GLIS3: variants seen among roughly 807,000 people sequenced by gnomAD.
The protein encoded by GLIS3 is GLIS family zinc finger 3, also known as zinc finger protein GLIS3.
In GLIS3, 53 loss-of-function variants were observed where a neutral mutation model predicts 78.6. The ratio of observed to expected loss-of-function variants is 0.67; its 90% CI spans 0.54 to 0.85. The LOEUF (loss-of-function observed/expected upper bound fraction) is 0.85. Among genes scored for constraint, GLIS3 ranks in the 40% least tolerant of loss-of-function variants. The probability of loss-of-function intolerance (pLI) is 0.00; values close to 1 mark genes in which losing one functional copy is unlikely to be tolerated. For missense variants in GLIS3, 1,703 were observed against 1,231.1 expected (o/e 1.38, Z -5.74); for synonymous variants, 684 against 509.9 (o/e 1.34, Z -4.60).
chr9:4,431,547 G>C, the GLIS3 span, among the ~76,000 whole-genome samples: 2 of 152,078 alleles, frequency 1.3e-5, no homozygotes, highest in African/African-American at 4.8e-5. Flanking sequence ...AATGTTTTCT[G>C]TAAAAGGCCA....
the GLIS3 span, among the ~76,000 whole-genome samples, chr9:4,466,155 T>C: frequency 6.6e-6 from 1 of 152,142 alleles, no homozygotes; most frequent in African/African-American, 2.4e-5. Context: ...ACCTTAAAGA[T>C]ACAAGGGTAT....
At chr9:4,308,688 G>T (rs549648667) in intron 4 of GLIS3, 10 of 152,444 alleles carry the variant, frequency 6.6e-5, no homozygotes, top group African/African-American at 1.9e-4. Flanking sequence ...TAGGCATCAG[G>T]ACTCTTTATA....
At chr9:4,233,821 T>C (rs1407449298) in intron 2 of GLIS3, among the ~76,000 whole-genome samples, 1 of 152,254 alleles carries the variant, frequency 6.6e-6, no homozygotes, top group African/African-American at 2.4e-5. Context: ...ACATTGAAAG[T>C]CTGTTTAGTG....
chr9:4,192,261 A>T (rs1418069941), intron 2 of GLIS3, among the ~76,000 whole-genome samples: 2 of 152,228 alleles, frequency 1.3e-5, no homozygotes, highest in African/African-American at 4.8e-5. Context: ...GTGCCAGAAA[A>T]TGTCTTTTAG....
chr9:4,186,380 T>C (rs562297070), intron 2 of GLIS3, among the ~76,000 whole-genome samples: 64 of 152,168 alleles, frequency 4.2e-4, no homozygotes, highest in African/African-American at 1.5e-3. Flanking sequence ...TGCCACATTT[T>C]CTTAATCCAG....
the GLIS3 span, among the ~76,000 whole-genome samples, chr9:4,372,097 C>T: frequency 2.6e-5 from 4 of 152,108 alleles, no homozygotes; most frequent in Non-Finnish European, 5.9e-5. Flanking sequence ...GCTATTGAAC[C>T]AGTTCTGCTT....
the GLIS3 span, among the ~76,000 whole-genome samples, chr9:4,436,250 T>C: frequency 2.0e-5 from 3 of 152,172 alleles, no homozygotes; most frequent in Admixed American, 6.6e-5. Flanking sequence ...TATGGGATAT[T>C]ATGCAAAGAA....
chr9:4,228,382 TGA>T (rs1207502177), intron 2 of GLIS3, among the ~76,000 whole-genome samples: 2 of 152,194 alleles, frequency 1.3e-5, no homozygotes, highest in Non-Finnish European at 2.9e-5. Context: ...GGTGAAGCTC[TGA>T]GAGTACATAA....
chr9:4,435,635 G>C, the GLIS3 span, among the ~76,000 whole-genome samples: 2 of 152,240 alleles, frequency 1.3e-5, no homozygotes, highest in African/African-American at 2.4e-5. Flanking sequence ...AAAGAAAGCT[G>C]AGACAATAGC....
intron 6 of GLIS3, 200 bp from the exon 7 acceptor site, chr9:3,899,035 T>C (rs928661053): frequency 9.2e-6 from 6 of 653,924 alleles, no homozygotes; most frequent in Admixed American, 2.5e-5. Context: ...CAAGAGCTTC[T>C]GGAAAAATGT....
intron 2 of GLIS3, among the ~76,000 whole-genome samples, chr9:4,130,683 G>C (rs566097816): frequency 1.3e-5 from 2 of 152,236 alleles, no homozygotes; most frequent in Admixed American, 1.3e-4. Context: ...GAAAAGCCTG[G>C]ATGTCCAGAC....
intron 4 of GLIS3, among the ~76,000 whole-genome samples, chr9:3,992,791 T>A (rs937090282): frequency 7.9e-5 from 12 of 152,308 alleles, no homozygotes; most frequent in Middle Eastern, 3.4e-3. Flanking sequence ...AAACAAAAGA[T>A]CAGACAGTGT....
At chr9:4,454,879 A>G in the GLIS3 span, among the ~76,000 whole-genome samples, 1 of 152,208 alleles carries the variant, frequency 6.6e-6, no homozygotes, top group African/African-American at 2.4e-5. Flanking sequence ...TTTGTTTCAT[A>G]TAATCTAGAA....
chr9:3,929,575 C>G (rs1046236051), intron 6 of GLIS3, among the ~76,000 whole-genome samples: 2 of 151,936 alleles, frequency 1.3e-5, no homozygotes, highest in Non-Finnish European at 2.9e-5. Flanking sequence ...ACCTTAAGAC[C>G]AAAATAATGT....
At chr9:4,361,725 TAA>T in the GLIS3 span, among the ~76,000 whole-genome samples, 1 of 152,216 alleles carries the variant, frequency 6.6e-6, no homozygotes, top group Non-Finnish European at 1.5e-5. Context: ...GAGTCGGCAT[TAA>T]AAGTCAGTGA....
the GLIS3 span, among the ~76,000 whole-genome samples, chr9:4,409,010 T>C: frequency 6.6e-6 from 1 of 151,848 alleles, no homozygotes; most frequent in Non-Finnish European, 1.5e-5. Flanking sequence ...AAATTAAATA[T>C]ATATGTATAT....
At chr9:4,383,276 A>C in the GLIS3 span, among the ~76,000 whole-genome samples, 1 of 152,204 alleles carries the variant, frequency 6.6e-6, no homozygotes, top group African/African-American at 2.4e-5. Context: ...CCAAACTCCA[A>C]CCAGATTGCA....
At chr9:4,046,544 G>A (rs1563982923) in intron 4 of GLIS3, among the ~76,000 whole-genome samples, 1 of 152,162 alleles carries the variant, frequency 6.6e-6, no homozygotes, top group Non-Finnish European at 1.5e-5. Flanking sequence ...GTCAAAGGTG[G>A]GGCCAGCAAT....
intron 6 of GLIS3, among the ~76,000 whole-genome samples, chr9:3,910,384 C>G (rs572081933): frequency 2.4e-4 from 36 of 152,276 alleles, no homozygotes; most frequent in African/African-American, 8.4e-4. Flanking sequence ...CAGTCTTGTT[C>G]TGTCACCCAG....
Sources: allele counts gnomAD v4.1 joint callset (sites outside exome capture counted in the v4.1 genomes callset), GRCh38; gene constraint gnomAD v4.1.1; transcripts MANE v1.5; gene names NCBI Gene and HGNC (gene_info 2026-07-23, HGNC 2026-07-21).